Variants in FBXW7 observed in about 807,000 individuals in gnomAD.
FBXW7 encodes F-box/WD repeat-containing protein 7.
In FBXW7, 11 loss-of-function variants were observed where a neutral mutation model predicts 86.3. That is an observed-to-expected ratio of 0.13 (90% CI 0.08 to 0.21). FBXW7 has a LOEUF of 0.21. Ranked by LOEUF, FBXW7 falls within the 10% of genes least tolerant of loss-of-function variation. FBXW7 has a pLI of 1.00. For synonymous variants in FBXW7, 313 were observed against 297.9 expected (o/e 1.05, Z -0.52); for missense variants, 488 against 847.4 (o/e 0.58, Z 5.27).
At position 152,355,628 on chromosome 4, in the gene FBXW7, G is replaced by A. The variant is rs1472400294; in HGVS notation, c.502-5504C>T. Among the ~76,000 whole-genome samples the A allele has an allele frequency of 2.0e-5, 3 of 152,094 alleles. No homozygotes were observed. The East Asian group carries it at 5.8e-4, about 29-fold the overall frequency. On this transcript the variant is annotated intron_variant, in intron 4 of 13. Transcript: ENST00000281708. ...TCTATAAAAAATTAATTCTTGTGTT[G>A]ACTGACAACCTAGAAGCATTATTGA...
At chr4:152,486,065 G>A (rs1745311345) in intron 2 of FBXW7, among the ~76,000 whole-genome samples, 1 of 152,140 alleles carries the variant, frequency 6.6e-6, no homozygotes, top group Non-Finnish European at 1.5e-5. Context: ...CTGTAACATG[G>A]TGCGTCTGAG....
At chr4:152,534,060 C>G (rs1243423184) in intron 2 of FBXW7, among the ~76,000 whole-genome samples, 2 of 151,982 alleles carry the variant, frequency 1.3e-5, no homozygotes, top group African/African-American at 4.8e-5. Flanking sequence ...CTTTCATAAA[C>G]CTTTAATTTG....
chr4:152,390,856 T>A (rs1031733982), intron 4 of FBXW7, among the ~76,000 whole-genome samples: 4 of 152,092 alleles, frequency 2.6e-5, no homozygotes, highest in South Asian at 4.1e-4. Flanking sequence ...AATTGTGTGT[T>A]TTTTTGCTAC....
At chr4:152,384,218 G>A (rs891543519) in intron 4 of FBXW7, among the ~76,000 whole-genome samples, 2 of 152,078 alleles carry the variant, frequency 1.3e-5, no homozygotes, top group African/African-American at 4.8e-5. Context: ...GACTTGAACA[G>A]ATACCTGTAT....
At chr4:152,433,377 A>T (rs1358892639) in intron 2 of FBXW7, among the ~76,000 whole-genome samples, 1 of 152,166 alleles carries the variant, frequency 6.6e-6, no homozygotes, top group African/African-American at 2.4e-5. Context: ...TTCAGTGGTG[A>T]CTGACTTCTT....
At position 152,389,588 on chromosome 4, in the gene FBXW7, G is replaced by A. The variant is rs551674787; in HGVS notation, c.501+21715C>T. Among the ~76,000 whole-genome samples the A allele has an allele frequency of 7.9e-5, 12 of 152,116 alleles. No homozygotes were observed. In the East Asian group the frequency reaches 2.3e-3, roughly 29 times the overall value. ...CATGAACATGGAGTGTGTAGTAATA[G>A]ATATTAAGAGACTCAGAAGGGTGAC... is the stretch of plus-strand genomic sequence containing the variant. On this transcript the variant is annotated intron_variant, in intron 4 of 13. Coordinates refer to ENST00000281708, the MANE Select transcript of FBXW7 (RefSeq NM_001349798.2).
chr4:152,521,031 A>G (rs1365400310), intron 2 of FBXW7, among the ~76,000 whole-genome samples: 1 of 152,050 alleles, frequency 6.6e-6, no homozygotes, highest in African/African-American at 2.4e-5. Flanking sequence ...ACCCCCATAG[A>G]ACTTATTTAA....
intron 2 of FBXW7, among the ~76,000 whole-genome samples, chr4:152,465,670 C>A (rs937171257): frequency 6.6e-6 from 1 of 151,682 alleles, no homozygotes; most frequent in Admixed American, 6.6e-5. Context: ...ATGGTGAGAC[C>A]CCATCTCTAC....
At chr4:152,508,749 T>C (rs751286052) in intron 2 of FBXW7, among the ~76,000 whole-genome samples, 1 of 151,908 alleles carries the variant, frequency 6.6e-6, no homozygotes, top group Non-Finnish European at 1.5e-5. Flanking sequence ...TACTTATTTT[T>C]AAGTACCTTC....
intron 12 of FBXW7, chr4:152,325,303 A>C (rs986876506): frequency 6.6e-6 from 1 of 152,176 alleles, no homozygotes; most frequent in Non-Finnish European, 1.5e-5. Context: ...TTATGTACTA[A>C]TTTGCTGAAC....
At chr4:152,520,987 G>T (rs1748958777) in intron 2 of FBXW7, among the ~76,000 whole-genome samples, 1 of 152,136 alleles carries the variant, frequency 6.6e-6, no homozygotes, top group Non-Finnish European at 1.5e-5. Flanking sequence ...GGAAACAAAG[G>T]TGACAAGATA....
chr4:152,470,550 C>T (rs560318294), intron 2 of FBXW7, among the ~76,000 whole-genome samples: 1 of 152,142 alleles, frequency 6.6e-6, no homozygotes, highest in East Asian at 1.9e-4. Flanking sequence ...TATGTTGGTA[C>T]TTAAAAATTA....
Position 152,322,230 on chromosome 4 carries a change from G to A in FBXW7, c.*651C>T, listed in dbSNP as rs1451329217. On this transcript the variant is annotated 3_prime_UTR_variant, in exon 14 of 14. Transcript: ENST00000281708. ...GAACCCAGGACAACTTGCCACCTTT[G>A]AGCAACATATGCATTGAAGAATGTA... The A allele has an allele frequency of 4.4e-6, 1 of 226,370 alleles. No homozygotes were observed. 14.0% of individuals were successfully genotyped at this position (226,370 alleles called of 1,614,324 possible).
intron 11 of FBXW7, 45 bp downstream of exon 11, chr4:152,328,163 A>T: frequency 6.5e-7 from 1 of 1,532,428 alleles, no homozygotes; most frequent in Non-Finnish European, 8.8e-7. Flanking sequence ...CAAATTCACC[A>T]ATAATAGAGG....
At chr4:152,462,909 CT>C (rs1288636010) in intron 2 of FBXW7, among the ~76,000 whole-genome samples, 1 of 150,592 alleles carries the variant, frequency 6.6e-6, no homozygotes, top group Non-Finnish European at 1.5e-5. Context: ...CCCACTTCCA[CT>C]TCCAGTCTTT....
chr4:152,473,540 A>C (rs1048018995), intron 2 of FBXW7, among the ~76,000 whole-genome samples: 2 of 152,206 alleles, frequency 1.3e-5, no homozygotes, highest in Non-Finnish European at 2.9e-5. Flanking sequence ...GCTGAAGTGC[A>C]GTGGCATTAC....
Position 152,535,486 on chromosome 4 carries a change from G to GC in FBXW7, c.-573dup, listed in dbSNP as rs938599328. On this transcript the variant is annotated 5_prime_UTR_variant, in exon 1 of 14. An upstream open reading frame in the 5' UTR loses its in-frame stop. Coordinates refer to ENST00000281708, the MANE Select transcript of FBXW7 (RefSeq NM_001349798.2). ...GCCGCCGCTTCACATCGGGGTCCCC[G>GC]CCCCCCCGGCCGGGGGGTGGTTGCC... The GC allele has an allele frequency of 3.1e-5, 12 of 393,008 alleles. No individual in the cohort carries two copies. The highest frequency in any genetic ancestry group is 6.2e-5 in the African/African-American group (3 of 48,190). The allele number at this position is 393,008 out of a possible 1,614,324, so 24.3% of individuals were successfully genotyped here. A position where few individuals can be genotyped will look rare whatever the true frequency, so the allele number is the denominator to read the frequency against.
At chr4:152,454,775 G>T (rs1053223675) in intron 2 of FBXW7, among the ~76,000 whole-genome samples, 6 of 152,008 alleles carry the variant, frequency 3.9e-5, no homozygotes, top group Admixed American at 6.6e-5. Flanking sequence ...AGATATGGAA[G>T]ATAAGGATAA....
At chr4:152,525,161 T>G (rs563030348) in intron 2 of FBXW7, among the ~76,000 whole-genome samples, 1 of 152,258 alleles carries the variant, frequency 6.6e-6, no homozygotes, top group East Asian at 1.9e-4. Context: ...ATGCTGAAAT[T>G]TTTTAAACTA....
Sources: allele counts gnomAD v4.1 joint callset (sites outside exome capture counted in the v4.1 genomes callset), GRCh38; gene constraint gnomAD v4.1.1; transcripts MANE v1.5; gene names NCBI Gene and HGNC (gene_info 2026-07-23, HGNC 2026-07-21).